The following GPC5 variants were observed in gnomAD, a reference collection of about 807,000 sequenced individuals.
The protein encoded by GPC5 is glypican 5.
A neutral mutation model predicts 53.9 loss-of-function variants in GPC5; 47 were observed. The ratio of observed to expected loss-of-function variants is 0.87; its 90% CI spans 0.69 to 1.11. The LOEUF (loss-of-function observed/expected upper bound fraction) is 1.11, where lower values mean the gene tolerates loss of function less well. Ranked by LOEUF, GPC5 falls within the 50% of genes most tolerant of loss-of-function variation. The pLI, the probability that GPC5 is intolerant of heterozygous loss-of-function variation, is 0.00. For missense variants in GPC5, 748 were observed against 713.1 expected, an observed-to-expected ratio of 1.05 and a Z score of -0.56; for synonymous variants, 286 against 263.3, an observed-to-expected ratio of 1.09 and a Z score of -0.84.
chr13:91,545,221 A>G (rs1176072844), intron 2 of GPC5, among the ~76,000 whole-genome samples: 4 of 152,198 alleles, frequency 2.6e-5, no homozygotes, highest in Non-Finnish European at 5.9e-5. Context: ...AATTGTGGAC[A>G]TATTTAAAAA....
At chr13:92,632,461 C>CATATATATATATATAT (rs1491296731) in intron 7 of GPC5, among the ~76,000 whole-genome samples, 45 of 58,094 alleles carry the variant, frequency 7.7e-4, no homozygotes, top group African/African-American at 1.6e-3. Context: ...GAAAATATTC[C>CATATATATATATATAT]ACATATATAT....
At chr13:92,340,770 T>C (rs2043359740) in intron 7 of GPC5, among the ~76,000 whole-genome samples, 1 of 152,164 alleles carries the variant, frequency 6.6e-6, no homozygotes, top group African/African-American at 2.4e-5. Flanking sequence ...TAAAAGAGCC[T>C]AAATATTTGG....
rs754314280 is a variant in GPC5, at chr13:92,144,924, A to G, written c.1496A>G (p.Asp499Gly). ...GMVEQVSGDCDDEDGCGGSGS... is the reference protein window; with the variant it reads ...GMVEQVSGDCGDEDGCGGSGS... ...GTTGAACAAGTCAGTGGGGACTGTG[A>G]TGATGAAGATGGTTGCGGGGGATCA... The change falls in exon 7 of 8, where the codon GAT becomes GGT. Residue 499 changes from aspartate to glycine, a missense_variant. Asp to Gly is a moderately conservative substitution (Grantham distance 94). Coordinates refer to ENST00000377067, the MANE Select transcript of GPC5 (RefSeq NM_004466.6). The G allele has an allele frequency of 5.6e-6, 9 of 1,597,002 alleles. No homozygotes were observed. The South Asian group carries it at 7.9e-5, about 14-fold the overall frequency.
intron 6 of GPC5, among the ~76,000 whole-genome samples, chr13:92,111,869 A>G (rs1298744831): frequency 1.3e-5 from 2 of 152,206 alleles, no homozygotes; most frequent in African/African-American, 2.4e-5. Flanking sequence ...AGGGAAAACT[A>G]TTTTGAAGGG....
At chr13:92,351,589 A>G (rs900252389) in intron 7 of GPC5, among the ~76,000 whole-genome samples, 5 of 152,124 alleles carry the variant, frequency 3.3e-5, no homozygotes, top group African/African-American at 1.2e-4. Flanking sequence ...TTATTTACAT[A>G]CAAAACAAAA....
chr13:92,835,521 A>G (rs1878192956), intron 7 of GPC5, among the ~76,000 whole-genome samples: 1 of 151,966 alleles, frequency 6.6e-6, no homozygotes, highest in South Asian at 2.1e-4. Flanking sequence ...CATTACTTTT[A>G]ATGACTGCGT....
chr13:91,917,454 G>A (rs1316570509), intron 6 of GPC5, among the ~76,000 whole-genome samples: 1 of 152,112 alleles, frequency 6.6e-6, no homozygotes, highest in African/African-American at 2.4e-5. Flanking sequence ...TCAGCAGTAG[G>A]GTCCAAGCTG....
chr13:92,759,263 T>C (rs1270306477), intron 7 of GPC5, among the ~76,000 whole-genome samples: 2 of 152,100 alleles, frequency 1.3e-5, no homozygotes, highest in East Asian at 3.9e-4. Context: ...TGGATTGTTT[T>C]ATCTATTTCT....
At chr13:91,681,045 G>A (rs9589330) in intron 2 of GPC5, among the ~76,000 whole-genome samples, 3,191 of 151,956 alleles carry the variant, frequency 0.021, 106 homozygotes, top group African/African-American at 0.069. Flanking sequence ...ATATATATGT[G>A]TGTAGCCCAC....
At chr13:92,554,996 A>T (rs910426976) in intron 7 of GPC5, among the ~76,000 whole-genome samples, 1 of 150,862 alleles carries the variant, frequency 6.6e-6, no homozygotes, top group African/African-American at 2.4e-5. Context: ...AGAAGTGGGA[A>T]ATAGGGAGTT....
At chr13:92,652,401 A>T (rs774913969) in intron 7 of GPC5, among the ~76,000 whole-genome samples, 2 of 152,102 alleles carry the variant, frequency 1.3e-5, no homozygotes, top group Non-Finnish European at 2.9e-5. Flanking sequence ...CCTTTTAGTT[A>T]CCCTGTATTT....
intron 5 of GPC5, among the ~76,000 whole-genome samples, chr13:91,845,260 C>T (rs1229524794): frequency 6.6e-6 from 1 of 151,948 alleles, no homozygotes; most frequent in Non-Finnish European, 1.5e-5. Flanking sequence ...CACATCTTGA[C>T]ACACAACTGT....
chr13:92,090,190 T>C (rs1369971839), intron 6 of GPC5, among the ~76,000 whole-genome samples: 3 of 152,220 alleles, frequency 2.0e-5, no homozygotes, highest in Non-Finnish European at 4.4e-5. Context: ...TGTTTTATCA[T>C]CATACGTACA....
At chr13:92,197,662 TA>T (rs1451692151) in intron 7 of GPC5, among the ~76,000 whole-genome samples, 2 of 62,570 alleles carry the variant, frequency 3.2e-5, no homozygotes, top group African/African-American at 9.9e-5. Flanking sequence ...CACATCTGGC[TA>T]ATTTTTTTTT....
chr13:92,767,569 C>T (rs552386501), intron 7 of GPC5, among the ~76,000 whole-genome samples: 4 of 152,314 alleles, frequency 2.6e-5, no homozygotes, highest in African/African-American at 9.6e-5. Context: ...GCAAAATCTT[C>T]AAGATGTGAT....
intron 7 of GPC5, among the ~76,000 whole-genome samples, chr13:92,563,935 A>G (rs999872531): frequency 1.3e-5 from 2 of 151,990 alleles, no homozygotes; most frequent in African/African-American, 4.8e-5. Flanking sequence ...GATCTTCATC[A>G]TCATCCATTA....
At chr13:91,629,848 A>G (rs2034110924) in intron 2 of GPC5, among the ~76,000 whole-genome samples, 1 of 152,116 alleles carries the variant, frequency 6.6e-6, no homozygotes, top group Admixed American at 6.6e-5. Flanking sequence ...TAAACACTGT[A>G]ATATGTATTC....
Position 91,571,904 on chromosome 13 carries a change from T to G in GPC5, c.326-121283T>G, listed in dbSNP as rs1186162408. On this transcript the variant is annotated intron_variant, in intron 2 of 7. Coordinates refer to ENST00000377067, the MANE Select transcript of GPC5 (RefSeq NM_004466.6). Reference sequence around the variant, plus strand: ...ACATATACGTGTGTATATACACATATTGTATATATACACATATTGTATATA... The same window carrying G: ...ACATATACGTGTGTATATACACATAGTGTATATATACACATATTGTATATA... 8.9e-4 allele frequency among the ~76,000 whole-genome samples: 56 copies of G among 62,734 alleles called. 1 individual carries two copies. Among genetic ancestry groups the G allele is most frequent in the South Asian group, 4.6e-3 (9 of 1,938 alleles). 41.2% of individuals were successfully genotyped at this position (62,734 alleles called of 152,430 possible). A position where few individuals can be genotyped will look rare whatever the true frequency, so the allele number is the denominator to read the frequency against.
Position 92,017,649 on chromosome 13 carries a change from G to A in GPC5, c.1401+109592G>A, listed in dbSNP as rs78869191. Among the ~76,000 whole-genome samples the A allele has an allele frequency of 6.8e-3, 1,039 of 152,176 alleles. 9 individuals carry two copies. The highest frequency in any genetic ancestry group is 0.023 in the African/African-American group (972 of 41,508). ...CATATAAAAATATGATTCAGTGGAT[G>A]GCATATAATCAGTGCACAGTGCCTT... is the stretch of plus-strand genomic sequence containing the variant. On this transcript the variant is annotated intron_variant, in intron 6 of 7. Transcript: ENST00000377067.
Sources: allele counts gnomAD v4.1 joint callset (sites outside exome capture counted in the v4.1 genomes callset), GRCh38; gene constraint gnomAD v4.1.1; transcripts MANE v1.5; gene names NCBI Gene and HGNC (gene_info 2026-07-23, HGNC 2026-07-21).